Variants in SULT4A1 observed in about 807,000 individuals in gnomAD.
SULT4A1 encodes sulfotransferase family 4A member 1.
SULT4A1 carries 11 observed loss-of-function variants against 35.2 expected under a neutral mutation model. The ratio of observed to expected loss-of-function variants is 0.31; its 90% CI spans 0.20 to 0.52. The LOEUF is 0.52. Among genes scored for constraint, SULT4A1 ranks in the 20% least tolerant of loss-of-function variants. The pLI, the probability that SULT4A1 is intolerant of heterozygous loss-of-function variation, is 0.97. For synonymous variants in SULT4A1, 152 were observed against 151.8 expected (o/e 1.00, Z -0.01); for missense variants, 271 against 383.7 (o/e 0.71, Z 2.45).
intron 6 of SULT4A1, chr22:43,828,727 G>A: frequency 3.4e-6 from 1 of 290,994 alleles, no homozygotes; most frequent in Non-Finnish European, 6.4e-6. Flanking sequence ...CCCTGGATCT[G>A]CTCTGTGGGG....
At chr22:43,831,155 T>C (rs2063322680) in intron 5 of SULT4A1, among the ~76,000 whole-genome samples, 1 of 151,354 alleles carries the variant, frequency 6.6e-6, no homozygotes, top group Admixed American at 6.6e-5. Flanking sequence ...CTGACCACTT[T>C]CACTGGGGAG....
At chr22:43,860,280 C>T (rs1047716727) in intron 1 of SULT4A1, among the ~76,000 whole-genome samples, 1 of 151,798 alleles carries the variant, frequency 6.6e-6, no homozygotes, top group Admixed American at 6.6e-5. Context: ...AACCATGTCT[C>T]CCCCATCAGA....
intron 5 of SULT4A1, among the ~76,000 whole-genome samples, chr22:43,831,144 T>C (rs2063322541): frequency 6.6e-6 from 1 of 151,874 alleles, no homozygotes. Context: ...AAGCAACAGG[T>C]CTGACCACTT....
chr22:43,838,329 T>A (rs1302099978), intron 4 of SULT4A1, among the ~76,000 whole-genome samples: 1 of 152,188 alleles, frequency 6.6e-6, no homozygotes, highest in Non-Finnish European at 1.5e-5. Context: ...GCTGTCCTCC[T>A]CCCTGCGGGC....
rs1343550690 is a variant in SULT4A1 at position 43,826,588 on chromosome 22, C to A, written c.743-475G>T. On this transcript the variant is annotated intron_variant, in intron 6 of 6. Coordinates refer to ENST00000330884, the MANE Select transcript of SULT4A1 (RefSeq NM_014351.4). Reference sequence around the variant, plus strand: ...ATTATCCACTCACAGCTCAACAGTGCCACCAAGGCGTCATTGGCTTCGGGA... The same window carrying A: ...ATTATCCACTCACAGCTCAACAGTGACACCAAGGCGTCATTGGCTTCGGGA... 5 of 985,236 alleles carry A rather than the reference C, an allele frequency of 5.1e-6. No individual in the cohort carries two copies. The Admixed American group carries it at 1.8e-4, about 36-fold the overall frequency. The allele number at this position is 985,236 out of a possible 1,614,324, so 61.0% of individuals were successfully genotyped here.
chr22:43,829,004 A>C, intron 6 of SULT4A1, 56 bp downstream of exon 6: 1 of 1,471,260 alleles, frequency 6.8e-7, no homozygotes, highest in Non-Finnish European at 9.0e-7. Context: ...CAGGCAGAGA[A>C]AGCAGCCTGG....
intron 1 of SULT4A1, among the ~76,000 whole-genome samples, chr22:43,858,203 C>T (rs1216370605): frequency 6.6e-6 from 1 of 151,862 alleles, no homozygotes; most frequent in Non-Finnish European, 1.5e-5. Flanking sequence ...ACCCATAATC[C>T]CAGGACTTTG....
intron 1 of SULT4A1, among the ~76,000 whole-genome samples, chr22:43,858,545 AC>A (rs2049429586): frequency 6.6e-6 from 1 of 152,132 alleles, no homozygotes; most frequent in African/African-American, 2.4e-5. Context: ...ACAAAACCAC[AC>A]GTTCCATTCT....
intron 6 of SULT4A1, chr22:43,827,115 G>A: frequency 1.0e-6 from 1 of 985,450 alleles, no homozygotes; most frequent in Non-Finnish European, 1.2e-6. Context: ...CCAGTTATGG[G>A]AGCTGTGAGC....
At position 43,824,607 on chromosome 22, in the gene SULT4A1, A is replaced by G. The variant is rs982481558; in HGVS notation, c.*1394T>C. The G allele has an allele frequency of 6.6e-6, 1 of 152,232 alleles. No individual in the cohort carries two copies. The highest frequency in any genetic ancestry group is 2.4e-5 in the African/African-American group (1 of 41,442). The allele number at this position is 152,232 out of a possible 1,614,324, so 9.4% of individuals were successfully genotyped here. A position where few individuals can be genotyped will look rare whatever the true frequency, so the allele number is the denominator to read the frequency against. ...CAGTACTAAAAATAGAAAAATATAA[A>G]TGAAATTTCACAGAAAGCAGCCTCC... On this transcript the variant is annotated 3_prime_UTR_variant, in exon 7 of 7. Transcript: ENST00000330884.
chr22:43,854,376 GC>G (rs1163197242), intron 1 of SULT4A1, among the ~76,000 whole-genome samples: 3 of 152,194 alleles, frequency 2.0e-5, no homozygotes, highest in Non-Finnish European at 4.4e-5. Flanking sequence ...GAGCACAGCT[GC>G]CCCCGCCAAG....
At chr22:43,827,099 A>G (rs1352172738) in intron 6 of SULT4A1, 1 of 985,298 alleles carries the variant, frequency 1.0e-6, no homozygotes, top group Admixed American at 6.2e-5. Flanking sequence ...GGGGATTCCA[A>G]ACTTCCCAGT....
At chr22:43,833,054 C>G (rs1446082068) in intron 5 of SULT4A1, among the ~76,000 whole-genome samples, 1 of 152,120 alleles carries the variant, frequency 6.6e-6, no homozygotes, top group Non-Finnish European at 1.5e-5. Flanking sequence ...CACATCTGCA[C>G]CCCATCGTCT....
intron 4 of SULT4A1, among the ~76,000 whole-genome samples, chr22:43,835,192 C>G (rs941969466): frequency 3.2e-4 from 49 of 152,240 alleles, no homozygotes; most frequent in African/African-American, 1.1e-3. Context: ...GCCTCAGAGC[C>G]CTTGGTGTGG....
chr22:43,843,618 G>T (rs1259391939), intron 1 of SULT4A1, among the ~76,000 whole-genome samples: 2 of 152,198 alleles, frequency 1.3e-5, no homozygotes, highest in Non-Finnish European at 2.9e-5. Context: ...GCCAATGAGG[G>T]TTCCATAAAA....
At chr22:43,835,640 T>G (rs2063364976) in intron 4 of SULT4A1, among the ~76,000 whole-genome samples, 1 of 152,028 alleles carries the variant, frequency 6.6e-6, no homozygotes, top group Admixed American at 6.5e-5. Flanking sequence ...CAGCCCATCA[T>G]CGGTAGCTAA....
intron 1 of SULT4A1, among the ~76,000 whole-genome samples, chr22:43,843,692 T>C (rs2063451559): frequency 6.6e-6 from 1 of 152,146 alleles, no homozygotes; most frequent in Non-Finnish European, 1.5e-5. Flanking sequence ...TCCTGGAGGG[T>C]GGCTTGCCCA....
At chr22:43,861,458 C>A (rs996485335) in intron 1 of SULT4A1, among the ~76,000 whole-genome samples, 1 of 152,206 alleles carries the variant, frequency 6.6e-6, no homozygotes, top group Admixed American at 6.5e-5. Flanking sequence ...AACAGACCAG[C>A]CTAGCTTTAA....
Position 43,835,115 on chromosome 22 carries a change from G to C in SULT4A1, c.509-1381C>G, listed in dbSNP as rs561036249. Among the ~76,000 whole-genome samples, 536 of 73,766 alleles carry C rather than the reference G, an allele frequency of 7.3e-3. 1 individual carries two copies. Among genetic ancestry groups the C allele is most frequent in the South Asian group, 0.037 (84 of 2,256 alleles). 48.4% of individuals were successfully genotyped at this position (73,766 alleles called of 152,430 possible). A position where few individuals can be genotyped will look rare whatever the true frequency, so the allele number is the denominator to read the frequency against. On this transcript the variant is annotated intron_variant, in intron 4 of 6. Coordinates refer to ENST00000330884, the MANE Select transcript of SULT4A1 (RefSeq NM_014351.4). ...CCACCGCTGCCCTGAGCTTCCCGCAGCCACACCGCAGCCCTGAGCTTCCCG... is the reference window on the plus strand; with the variant it reads ...CCACCGCTGCCCTGAGCTTCCCGCACCCACACCGCAGCCCTGAGCTTCCCG...
Sources: allele counts gnomAD v4.1 joint callset (sites outside exome capture counted in the v4.1 genomes callset), GRCh38; gene constraint gnomAD v4.1.1; transcripts MANE v1.5; gene names NCBI Gene and HGNC (gene_info 2026-07-23, HGNC 2026-07-21).